The following CUL2 variants were observed in gnomAD, a reference collection of about 807,000 sequenced individuals.
CUL2 encodes cullin-2.
In CUL2, 22 loss-of-function variants were observed where a neutral mutation model predicts 110.2. The observed-to-expected ratio is 0.20, with a 90% CI of 0.14 to 0.28. CUL2 has a LOEUF of 0.28. Among genes scored for constraint, CUL2 ranks in the 10% least tolerant of loss-of-function variants. CUL2 has a pLI of 1.00. For missense variants in CUL2, 631 were observed against 905.5 expected (o/e 0.70, Z 3.89); for synonymous variants, 279 against 293.2 (o/e 0.95, Z 0.49).
At chr10:35,096,112 G>A (rs2087295316) in intron 2 of CUL2, among the ~76,000 whole-genome samples, 1 of 151,980 alleles carries the variant, frequency 6.6e-6, no homozygotes, top group Non-Finnish European at 1.5e-5. Context: ...GCCTGGGCTG[G>A]TGGTGTGTGC....
intron 1 of CUL2, among the ~76,000 whole-genome samples, chr10:35,078,821 G>A (rs1031102355): frequency 6.6e-6 from 1 of 152,110 alleles, no homozygotes; most frequent in East Asian, 1.9e-4. Context: ...CCTGAATGAC[G>A]ATTTATTTCA....
intron 1 of CUL2, among the ~76,000 whole-genome samples, chr10:35,104,993 T>C (rs751872876): frequency 8.6e-4 from 131 of 152,054 alleles, no homozygotes; most frequent in Non-Finnish European, 1.6e-3. Flanking sequence ...CCTCCCAATG[T>C]GCTGGGATTA....
chr10:35,039,941 T>A (rs551094722), intron 8 of CUL2, among the ~76,000 whole-genome samples: 1 of 152,126 alleles, frequency 6.6e-6, no homozygotes, highest in African/African-American at 2.4e-5. Context: ...TCACATGAGG[T>A]CAGGAGTTTG....
chr10:35,117,772 TA>T (rs1008733185), intron 1 of CUL2, among the ~76,000 whole-genome samples: 4 of 152,222 alleles, frequency 2.6e-5, no homozygotes, highest in Non-Finnish European at 5.9e-5. Flanking sequence ...CATGAAAGAA[TA>T]AAAGTGTTAC....
intron 14 of CUL2, among the ~76,000 whole-genome samples, chr10:35,030,610 T>G (rs568342073): frequency 3.3e-5 from 5 of 152,324 alleles, no homozygotes; most frequent in African/African-American, 1.2e-4. Context: ...CTTGAACTAC[T>G]GAGCTCAAAC....
chr10:35,011,630 A>T (rs1054950004), intron 20 of CUL2, among the ~76,000 whole-genome samples: 10 of 152,120 alleles, frequency 6.6e-5, no homozygotes, highest in Non-Finnish European at 1.0e-4. Context: ...CAACAACAAC[A>T]AAAAGGATTA....
chr10:35,021,260 T>C (rs998070766), intron 17 of CUL2, among the ~76,000 whole-genome samples: 1 of 136,936 alleles, frequency 7.3e-6, no homozygotes, highest in Admixed American at 7.4e-5. Flanking sequence ...CTTTCTTTCT[T>C]TCTTTTTTTT....
chr10:35,112,257 A>C (rs1227745680), intron 1 of CUL2, among the ~76,000 whole-genome samples: 1 of 152,248 alleles, frequency 6.6e-6, no homozygotes, highest in Non-Finnish European at 1.5e-5. Flanking sequence ...AAAGACCAGA[A>C]CTGGATTTAT....
At chr10:35,070,852 T>C (rs568663532) in intron 2 of CUL2, among the ~76,000 whole-genome samples, 2 of 152,310 alleles carry the variant, frequency 1.3e-5, no homozygotes, top group East Asian at 1.9e-4. Context: ...CCTGCTTTCA[T>C]TTATCACGAC....
intron 2 of CUL2, among the ~76,000 whole-genome samples, chr10:35,097,481 C>A (rs1266004767): frequency 1.4e-5 from 2 of 142,926 alleles, no homozygotes; most frequent in Admixed American, 7.1e-5. Context: ...CAGAGCAAGA[C>A]CCCCTGTCTC....
At chr10:35,067,232 G>A (rs951618422) in intron 2 of CUL2, among the ~76,000 whole-genome samples, 22 of 151,770 alleles carry the variant, frequency 1.4e-4, no homozygotes, top group Admixed American at 1.3e-4. Flanking sequence ...GAAGAAATAC[G>A]TTGAGGGAAG....
intron 1 of CUL2, among the ~76,000 whole-genome samples, chr10:35,081,654 G>A (rs1038761770): frequency 1.3e-5 from 2 of 152,056 alleles, no homozygotes; most frequent in African/African-American, 2.4e-5. Context: ...AGCACTTTGC[G>A]AGGCCAAGAT....
chr10:35,037,002 T>C (rs1218269972), intron 9 of CUL2, among the ~76,000 whole-genome samples: 1 of 152,216 alleles, frequency 6.6e-6, no homozygotes, highest in African/African-American at 2.4e-5. Flanking sequence ...GGCCTTTTAA[T>C]AATCCAAAGT....
At chr10:35,034,937 G>A (rs900135554) in intron 10 of CUL2, among the ~76,000 whole-genome samples, 3 of 152,166 alleles carry the variant, frequency 2.0e-5, no homozygotes, top group Non-Finnish European at 2.9e-5. Flanking sequence ...GTTAACAACT[G>A]TTCAATGGAC....
At chr10:35,075,018 C>T (rs956315703) in intron 1 of CUL2, among the ~76,000 whole-genome samples, 8 of 152,172 alleles carry the variant, frequency 5.3e-5, no homozygotes, top group Non-Finnish European at 8.8e-5. Flanking sequence ...TCATATTATA[C>T]ACACTGCTTG....
At chr10:35,075,684 G>A (rs904612731) in intron 1 of CUL2, among the ~76,000 whole-genome samples, 12 of 116,804 alleles carry the variant, frequency 1.0e-4, no homozygotes, top group South Asian at 6.0e-4. Flanking sequence ...ACACACACAC[G>A]CACGCTCCAC....
intron 2 of CUL2, among the ~76,000 whole-genome samples, chr10:35,066,307 CTTT>C (rs915291009): frequency 6.9e-6 from 1 of 145,572 alleles, no homozygotes; most frequent in Non-Finnish European, 1.5e-5. Flanking sequence ...AATTTGCTGA[CTTT>C]TTTTTTTTTT....
intron 1 of CUL2, among the ~76,000 whole-genome samples, chr10:35,084,470 A>T (rs2087014257): frequency 6.6e-6 from 1 of 152,208 alleles, no homozygotes; most frequent in African/African-American, 2.4e-5. Flanking sequence ...ACTTTTAAGA[A>T]TCAAAGGGAT....
intron 1 of CUL2, among the ~76,000 whole-genome samples, chr10:35,080,135 T>C (rs1279480376): frequency 1.3e-5 from 2 of 152,194 alleles, no homozygotes; most frequent in African/African-American, 4.8e-5. Context: ...GGAAGTGGAA[T>C]ACCATATTAA....
Sources: gnomAD v4.1 joint callset for allele counts (sites outside exome capture counted in the v4.1 genomes callset) on GRCh38, gnomAD v4.1.1 for gene constraint, MANE v1.5 for transcripts, NCBI Gene and HGNC (gene_info 2026-07-23, HGNC 2026-07-21) for gene names.